RAB6B: variants seen among roughly 807,000 people sequenced by gnomAD.
The protein encoded by RAB6B is RAB6B, member RAS oncogene family, also known as ras-related protein Rab-6B.
Under a neutral mutation model 31.2 loss-of-function variants are expected in RAB6B, and 7 were observed. That is an observed-to-expected ratio of 0.22 (90% CI 0.13 to 0.42). RAB6B has a LOEUF of 0.42. RAB6B is among the 10% of genes least tolerant of loss of function. The pLI is 1.00. For synonymous variants in RAB6B, 105 were observed against 104.9 expected (o/e 1.00, Z -0.01); for missense variants, 149 against 280.6 (o/e 0.53, Z 3.35).
At chr3:133,877,673 T>A (rs2108010823) in intron 1 of RAB6B, among the ~76,000 whole-genome samples, 1 of 151,676 alleles carries the variant, frequency 6.6e-6, no homozygotes, top group East Asian at 1.9e-4. Flanking sequence ...AACAATCAAC[T>A]GAAACCAACC....
intron 1 of RAB6B, among the ~76,000 whole-genome samples, chr3:133,869,844 G>A (rs934456152): frequency 6.6e-6 from 1 of 152,178 alleles, no homozygotes; most frequent in Non-Finnish European, 1.5e-5. Flanking sequence ...GAGCCTTCAG[G>A]TGACTCCAGC....
intron 1 of RAB6B, among the ~76,000 whole-genome samples, chr3:133,882,048 T>A (rs9815710): frequency 0.12 from 18,822 of 152,260 alleles, 1,414 homozygotes; most frequent in Non-Finnish European, 0.15. Flanking sequence ...TGGGCTACAT[T>A]TCTTTCTGGA....
chr3:133,841,347 C>T lies in RAB6B; in HGVS notation c.227G>A (p.Arg76His), dbSNP rs534416766. 8 of 1,614,160 alleles carry T rather than the reference C, an allele frequency of 5.0e-6. No individual in the cohort carries two copies. The highest frequency in any genetic ancestry group is 2.2e-5 in the East Asian group (1 of 44,872). ...LWDTAGQERF[R>H]SLIPSYIRDS... ...CCGGATGTAGCTGGGGATCAGGCTG[C>T]GGAACCTCTCCTGACCAGCTGTGTC... The change falls in exon 4 of 8, where the codon CGC becomes CAC. Residue 76 changes from arginine to histidine, a missense_variant. Physicochemically the swap from Arg to His is conservative, Grantham distance 29. Around this residue, in one of 2 missense-constraint regions of RAB6B, gnomAD observed 75 missense variants for 180.1 expected, o/e 0.42. Transcript: ENST00000285208.
chr3:133,882,395 G>C (rs1378487316), intron 1 of RAB6B, among the ~76,000 whole-genome samples: 1 of 152,200 alleles, frequency 6.6e-6, no homozygotes, highest in East Asian at 1.9e-4. Flanking sequence ...CTGGGGAGGA[G>C]GCTATGCAAG....
At chr3:133,834,454 C>T (rs544584233) in intron 7 of RAB6B, 121 bp downstream of exon 7, 8 of 1,093,408 alleles carry the variant, frequency 7.3e-6, no homozygotes, top group Admixed American at 1.7e-5. Flanking sequence ...CCGTGCCATT[C>T]GCGGCAGACC....
intron 2 of RAB6B, 102 bp downstream of exon 2, chr3:133,864,482 C>G (rs562177537): frequency 8.3e-7 from 1 of 1,206,124 alleles, no homozygotes; most frequent in East Asian, 2.3e-5. Flanking sequence ...AAATGACAGC[C>G]TGGGAACCCA....
intron 5 of RAB6B, among the ~76,000 whole-genome samples, chr3:133,839,244 G>A (rs1289219153): frequency 2.0e-5 from 3 of 152,264 alleles, no homozygotes; most frequent in Non-Finnish European, 4.4e-5. Context: ...GGTCAAGCCA[G>A]GTGCACAGTG....
At chr3:133,893,573 T>G (rs11708165) in intron 1 of RAB6B, among the ~76,000 whole-genome samples, 14,102 of 152,254 alleles carry the variant, frequency 0.093, 1,224 homozygotes, top group African/African-American at 0.24. Context: ...TAGTCCTTTC[T>G]GAAGCTTGTG....
rs973084070 is a variant in RAB6B, at chr3:133,858,462, T to G, written c.129+6122A>C. Among the ~76,000 whole-genome samples, 16 of 152,124 alleles carry G rather than the reference T, an allele frequency of 1.1e-4. No homozygotes were observed. The South Asian group carries it at 3.1e-3, about 30-fold the overall frequency. The stretch of plus-strand genomic sequence containing the variant: ...CTCCTCACAGCTCTGGAGGCTGGAG[T>G]CTGAGACTGAGGTGTAGGCACAATT... On this transcript the variant is annotated intron_variant, in intron 2 of 7. Coordinates refer to ENST00000285208, the MANE Select transcript of RAB6B (RefSeq NM_016577.4).
intron 6 of RAB6B, 69 bp downstream of exon 6, chr3:133,838,097 C>A: frequency 6.7e-7 from 1 of 1,498,780 alleles, no homozygotes; most frequent in Non-Finnish European, 9.3e-7. Context: ...CAGCTCTGAG[C>A]CTGCAGCTGA....
intron 7 of RAB6B, 89 bp downstream of exon 7, chr3:133,834,486 G>T: frequency 1.4e-6 from 2 of 1,398,252 alleles, no homozygotes; most frequent in South Asian, 1.2e-5. Flanking sequence ...GGCGGGGACT[G>T]GGCGAGTGTC....
At chr3:133,848,543 A>T (rs1935936008) in intron 2 of RAB6B, among the ~76,000 whole-genome samples, 1 of 152,206 alleles carries the variant, frequency 6.6e-6, no homozygotes, top group Non-Finnish European at 1.5e-5. Context: ...ACAATTCTGG[A>T]AGCTGCGAAG....
At chr3:133,844,282 C>G (rs775914671) in intron 2 of RAB6B, among the ~76,000 whole-genome samples, 1 of 152,232 alleles carries the variant, frequency 6.6e-6, no homozygotes, top group Admixed American at 6.5e-5. Context: ...CAACGAGGAA[C>G]CTGAACAAGG....
chr3:133,893,408 G>C (rs190094968), intron 1 of RAB6B, among the ~76,000 whole-genome samples: 57 of 152,286 alleles, frequency 3.7e-4, no homozygotes, highest in African/African-American at 1.3e-3. Context: ...TGGGAGAGGT[G>C]GTGGGTTCAT....
Position 133,895,618 on chromosome 3 carries a change from C to T in RAB6B, c.-152G>A. 2.9e-6 allele frequency: 2 copies of T among 683,070 alleles called. No homozygotes were observed. The highest frequency in any genetic ancestry group is 2.7e-5 in the Admixed American group (1 of 36,952). 42.3% of individuals were successfully genotyped at this position (683,070 alleles called of 1,614,324 possible). The stretch of plus-strand genomic sequence containing the variant: ...CGTCCCTGACTCCCCAGCTGCGTCC[C>T]GGTCCCGGCCTGCGGCTGCGTGTCC... On this transcript the variant is annotated 5_prime_UTR_variant, in exon 1 of 8. Transcript: ENST00000285208.
At chr3:133,834,507 A>G in intron 7 of RAB6B, 68 bp downstream of exon 7, 8 of 1,513,100 alleles carry the variant, frequency 5.3e-6, no homozygotes, top group Non-Finnish European at 9.2e-7. Context: ...TGTCCACTGC[A>G]CTAACATATT....
At chr3:133,837,661 GC>G (rs973656737) in intron 6 of RAB6B, among the ~76,000 whole-genome samples, 2 of 152,212 alleles carry the variant, frequency 1.3e-5, no homozygotes, top group African/African-American at 4.8e-5. Context: ...GCAAGGCTCA[GC>G]CCTAACTCCA....
At chr3:133,862,581 G>A (rs922474086) in intron 2 of RAB6B, among the ~76,000 whole-genome samples, 3 of 152,234 alleles carry the variant, frequency 2.0e-5, no homozygotes, top group Non-Finnish European at 2.9e-5. Flanking sequence ...GGGCATTCCG[G>A]CAGAGGCAAT....
At chr3:133,885,745 G>A (rs1936536389) in intron 1 of RAB6B, 2 of 626,468 alleles carry the variant, frequency 3.2e-6, no homozygotes, top group Non-Finnish European at 2.9e-6. Context: ...TGCAGAGAGA[G>A]ACAATAGTCC....
Sources: gnomAD v4.1 joint callset for allele counts (sites outside exome capture counted in the v4.1 genomes callset) on GRCh38, gnomAD v4.1.1 for gene constraint, gnomAD v4.1.1 regional missense constraint, MANE v1.5 for transcripts, NCBI Gene and HGNC (gene_info 2026-07-23, HGNC 2026-07-21) for gene names.